The following GPAT4 variants were observed in gnomAD, a reference collection of about 807,000 sequenced individuals.
GPAT4 encodes glycerol-3-phosphate acyltransferase 4.
Under a neutral mutation model 58.0 loss-of-function variants are expected in GPAT4, and 17 were observed. The ratio of observed to expected loss-of-function variants is 0.29; its 90% CI spans 0.20 to 0.44. GPAT4 has a LOEUF of 0.44. Ranked by LOEUF, GPAT4 falls within the 20% of genes least tolerant of loss-of-function variation. The pLI, the probability that GPAT4 is intolerant of heterozygous loss-of-function variation, is 1.00. For missense variants in GPAT4, 377 were observed against 574.5 expected, an observed-to-expected ratio of 0.66 and a Z score of 3.51; for synonymous variants, 204 against 210.1, an observed-to-expected ratio of 0.97 and a Z score of 0.25.
intron 1 of GPAT4, among the ~76,000 whole-genome samples, chr8:41,587,059 A>G (rs1246166252): frequency 6.6e-6 from 1 of 152,244 alleles, no homozygotes; most frequent in African/African-American, 2.4e-5. Flanking sequence ...TGCCCCTGCC[A>G]TCTGTGCATG....
At position 41,599,111 on chromosome 8, in the gene GPAT4, A is replaced by C; in HGVS notation, c.-29A>C. The C allele has an allele frequency of 6.3e-7, 1 of 1,584,034 alleles. No homozygotes were observed. The highest frequency in any genetic ancestry group is 1.2e-5 in the South Asian group (1 of 86,774). On this transcript the variant is annotated 5_prime_UTR_variant, in exon 2 of 13. Transcript: ENST00000396987. ...GGCTGCAATTTGTTCTTAGGGAGGCAGGTGCTGGCCTGGCCTGGATCTTCC... is the reference window on the plus strand; with the variant it reads ...GGCTGCAATTTGTTCTTAGGGAGGCCGGTGCTGGCCTGGCCTGGATCTTCC...
intron 1 of GPAT4, 167 bp downstream of exon 1, chr8:41,578,445 C>T (rs1010915002): frequency 4.6e-5 from 7 of 151,840 alleles, no homozygotes; most frequent in African/African-American, 1.4e-4. Flanking sequence ...CCCGGGGATC[C>T]CCGGCGGGTG....
At chr8:41,586,230 A>G (rs1802651772) in intron 1 of GPAT4, among the ~76,000 whole-genome samples, 2 of 152,344 alleles carry the variant, frequency 1.3e-5, no homozygotes, top group South Asian at 4.1e-4. Flanking sequence ...AGATTCATCC[A>G]TGTTATAGCG....
At chr8:41,591,785 T>C (rs1296198995) in intron 1 of GPAT4, among the ~76,000 whole-genome samples, 2 of 152,272 alleles carry the variant, frequency 1.3e-5, no homozygotes, top group East Asian at 3.8e-4. Context: ...CTTCAACTAC[T>C]GGCCCTTGAT....
intron 1 of GPAT4, among the ~76,000 whole-genome samples, chr8:41,587,899 T>A (rs546100377): frequency 7.9e-5 from 12 of 152,364 alleles, no homozygotes; most frequent in African/African-American, 2.6e-4. Flanking sequence ...TATTTGAGGA[T>A]GTTTTTCCAT....
chr8:41,597,908 T>C (rs1002595471), intron 1 of GPAT4, among the ~76,000 whole-genome samples: 14 of 152,228 alleles, frequency 9.2e-5, no homozygotes, highest in African/African-American at 3.4e-4. Flanking sequence ...TTGGGAAGAA[T>C]ACAAAGGTGG....
rs964629864 is a variant in GPAT4, at chr8:41,624,202, T to C, written c.*3201T>C. On this transcript the variant is annotated 3_prime_UTR_variant, in exon 13 of 13. Coordinates refer to ENST00000396987, the MANE Select transcript of GPAT4 (RefSeq NM_178819.4). ...CAGCAGAACCAGCCTTGGGACTTGA[T>C]GCTTCACCGTGTCAGAATCCGTCCC... is the stretch of plus-strand genomic sequence containing the variant. 4.6e-5 allele frequency: 7 copies of C among 151,940 alleles called. No homozygotes were observed. Among genetic ancestry groups the C allele is most frequent in the African/African-American group, 7.2e-5 (3 of 41,458 alleles). 9.4% of individuals were successfully genotyped at this position (151,940 alleles called of 1,614,324 possible).
chr8:41,599,125 C>T lies in GPAT4; in HGVS notation c.-15C>T, dbSNP rs1300723933. On this transcript the variant is annotated 5_prime_UTR_variant, in exon 2 of 13. Transcript: ENST00000396987. The stretch of plus-strand genomic sequence containing the variant: ...CTTAGGGAGGCAGGTGCTGGCCTGG[C>T]CTGGATCTTCCACCATGTTCCTGTT... The T allele has an allele frequency of 3.1e-6, 5 of 1,608,226 alleles. No homozygotes were observed. Among genetic ancestry groups the T allele is most frequent in the Non-Finnish European group, 4.2e-6 (5 of 1,178,010 alleles).
At position 41,621,406 on chromosome 8, in the gene GPAT4, G is replaced by A. The variant is rs542430078; in HGVS notation, c.*405G>A. On this transcript the variant is annotated 3_prime_UTR_variant, in exon 13 of 13. Coordinates refer to ENST00000396987, the MANE Select transcript of GPAT4 (RefSeq NM_178819.4). ...CGTGTGCCAGGGATGTGCTGGGGGC[G>A]GCCACCCGCTCTCCAGGAAAGGCAC... 1.2e-4 allele frequency: 22 copies of A among 177,058 alleles called. No individual in the cohort carries two copies. The highest frequency in any genetic ancestry group is 4.5e-4 in the African/African-American group (19 of 42,366). 11.0% of individuals were successfully genotyped at this position (177,058 alleles called of 1,614,324 possible).
intron 2 of GPAT4, among the ~76,000 whole-genome samples, chr8:41,603,915 A>G (rs529143475): frequency 2.6e-5 from 4 of 152,232 alleles, no homozygotes; most frequent in African/African-American, 7.2e-5. Flanking sequence ...GAATGAATGA[A>G]TGAATGAATG....
chr8:41,599,128 G>A lies in GPAT4; in HGVS notation c.-12G>A, dbSNP rs375431670. Reference sequence around the variant, plus strand: ...AGGGAGGCAGGTGCTGGCCTGGCCTGGATCTTCCACCATGTTCCTGTTGCT... The same window carrying A: ...AGGGAGGCAGGTGCTGGCCTGGCCTAGATCTTCCACCATGTTCCTGTTGCT... On this transcript the variant is annotated 5_prime_UTR_variant, in exon 2 of 13. Transcript: ENST00000396987. 8 of 1,608,720 alleles carry A rather than the reference G, an allele frequency of 5.0e-6. No homozygotes were observed. Among genetic ancestry groups the A allele is most frequent in the Non-Finnish European group, 6.8e-6 (8 of 1,178,220 alleles).
intron 1 of GPAT4, among the ~76,000 whole-genome samples, chr8:41,595,633 A>C (rs1432768280): frequency 1.3e-5 from 2 of 152,036 alleles, no homozygotes; most frequent in Non-Finnish European, 2.9e-5. Context: ...ATAGGTTTTA[A>C]ATTTACCCTG....
At position 41,611,960 on chromosome 8, in the gene GPAT4, A is replaced by G. The variant is rs1277777692; in HGVS notation, c.669A>G (p.Arg223=). ...TAATGTGTTACCGGATCTGCGTGCG[A>G]GCGCTGACAGCCATCATCACCTACC... is the stretch of plus-strand genomic sequence containing the variant. The part of the protein sequence containing the change: ...VHLMCYRICV[R]ALTAIITYHD... The change falls in exon 6 of 13, where the codon CGA becomes CGG. Residue 223 remains arginine, a synonymous_variant. Coordinates refer to ENST00000396987, the MANE Select transcript of GPAT4 (RefSeq NM_178819.4). 1 of 1,614,064 alleles carries G rather than the reference A, an allele frequency of 6.2e-7. No individual in the cohort carries two copies. Among genetic ancestry groups the G allele is most frequent in the Non-Finnish European group, 8.5e-7 (1 of 1,180,050 alleles).
At chr8:41,594,666 C>T (rs1009159589) in intron 1 of GPAT4, among the ~76,000 whole-genome samples, 6 of 151,824 alleles carry the variant, frequency 4.0e-5, no homozygotes, top group Non-Finnish European at 7.4e-5. Context: ...CTGCCTCAGC[C>T]TCCCAAGTAG....
intron 2 of GPAT4, among the ~76,000 whole-genome samples, chr8:41,608,128 A>G (rs1037049096): frequency 2.0e-5 from 3 of 152,218 alleles, no homozygotes; most frequent in African/African-American, 7.2e-5. Context: ...CTTGCCTTTG[A>G]ACTTTCTTTG....
chr8:41,623,763 G>A lies in GPAT4; in HGVS notation c.*2762G>A, dbSNP rs534359914. On this transcript the variant is annotated 3_prime_UTR_variant, in exon 13 of 13. Transcript: ENST00000396987. ...CTGGGGCCATACTGCTCTCAGGCTG[G>A]GCAGTATCTTCATTGTGGTTCTCAG... 1 of 144,844 alleles carries A rather than the reference G, an allele frequency of 6.9e-6. No individual in the cohort carries two copies. The highest frequency in any genetic ancestry group is 2.0e-4 in the East Asian group (1 of 5,002). 9.0% of individuals were successfully genotyped at this position (144,844 alleles called of 1,614,324 possible).
At chr8:41,578,488 C>T (rs1585641177) in intron 1 of GPAT4, 2 of 152,100 alleles carry the variant, frequency 1.3e-5, no homozygotes, top group South Asian at 2.1e-4. Flanking sequence ...ATGGAACGGT[C>T]CGCGCCCGCC....
rs1802995295 is a variant in GPAT4 at position 41,598,659 on chromosome 8, C to G, written c.-481C>G. 1 of 154,360 alleles carries G rather than the reference C, an allele frequency of 6.5e-6. No homozygotes were observed. The highest frequency in any genetic ancestry group is 1.4e-5 in the Non-Finnish European group (1 of 69,652). 9.6% of individuals were successfully genotyped at this position (154,360 alleles called of 1,614,324 possible). A position where few individuals can be genotyped will look rare whatever the true frequency, so the allele number is the denominator to read the frequency against. On this transcript the variant is annotated 5_prime_UTR_variant, in exon 2 of 13. Transcript: ENST00000396987. ...TGTGAAGTGCCAGTGATTACCCCTC[C>G]ACAGGAGTTATCAGGATTTTTCTGG...
At chr8:41,585,987 C>T (rs1802645203) in intron 1 of GPAT4, among the ~76,000 whole-genome samples, 1 of 152,178 alleles carries the variant, frequency 6.6e-6, no homozygotes, top group African/African-American at 2.4e-5. Context: ...TACAATTCAC[C>T]TAATGAAAGT....
Sources: allele counts gnomAD v4.1 joint callset (sites outside exome capture counted in the v4.1 genomes callset), GRCh38; gene constraint gnomAD v4.1.1; transcripts MANE v1.5; gene names NCBI Gene and HGNC (gene_info 2026-07-23, HGNC 2026-07-21).